The following CCL28 variants were observed in gnomAD, a reference collection of about 807,000 sequenced individuals.
The protein encoded by CCL28 is C-C motif chemokine 28.
Under a neutral mutation model 7.1 loss-of-function variants are expected in CCL28, and 4 were observed. The observed-to-expected ratio is 0.56, with a 90% CI of 0.28 to 1.29. The LOEUF (loss-of-function observed/expected upper bound fraction) is 1.29, where lower values mean the gene tolerates loss of function less well. Among genes scored for constraint, CCL28 ranks in the 50% most tolerant of loss-of-function variants. The pLI is 0.11. For missense variants in CCL28, 151 were observed against 163.4 expected (o/e 0.92, Z 0.41); for synonymous variants, 55 against 57.8 (o/e 0.95, Z 0.22).
chr5:43,393,330 C>T (rs894110481), intron 1 of CCL28, among the ~76,000 whole-genome samples: 1 of 151,664 alleles, frequency 6.6e-6, no homozygotes, highest in Admixed American at 6.6e-5. Flanking sequence ...TACCACCACA[C>T]CCATCCCTTT....
chr5:43,375,775 T>C (rs1739877962), downstream of CCL28, among the ~76,000 whole-genome samples: 1 of 151,962 alleles, frequency 6.6e-6, no homozygotes, highest in Non-Finnish European at 1.5e-5. Context: ...GCGGACCCCG[T>C]CTCTATCAAA....
At chr5:43,368,524 C>T in the CCL28 span, among the ~76,000 whole-genome samples, 1 of 152,202 alleles carries the variant, frequency 6.6e-6, no homozygotes. Context: ...AACAACATTT[C>T]CTTTCCCATT....
chr5:43,368,459 A>G, the CCL28 span, among the ~76,000 whole-genome samples: 1 of 152,180 alleles, frequency 6.6e-6, no homozygotes, highest in African/African-American at 2.4e-5. Flanking sequence ...CTGCTGGCCA[A>G]TGGAATATGA....
intron 2 of CCL28, among the ~76,000 whole-genome samples, chr5:43,384,299 C>T (rs1444264781): frequency 6.6e-6 from 1 of 152,202 alleles, no homozygotes; most frequent in East Asian, 1.9e-4. Context: ...CAGGCAACAA[C>T]TAGCATGTGG....
At chr5:43,368,693 G>A in the CCL28 span, among the ~76,000 whole-genome samples, 11 of 152,172 alleles carry the variant, frequency 7.2e-5, no homozygotes, top group East Asian at 2.1e-3. Context: ...TATGACTGAG[G>A]TCTTCATATA....
chr5:43,411,120 G>A (rs965433407), intron 1 of CCL28, among the ~76,000 whole-genome samples: 3 of 152,188 alleles, frequency 2.0e-5, no homozygotes, highest in Admixed American at 2.0e-4. Context: ...TTTCTCAAGA[G>A]AAGCTTTAAA....
chr5:43,410,819 G>T (rs1741508277), intron 1 of CCL28, among the ~76,000 whole-genome samples: 1 of 152,198 alleles, frequency 6.6e-6, no homozygotes, highest in Non-Finnish European at 1.5e-5. Context: ...TAGTGAAAAT[G>T]AGTCCCCAAA....
chr5:43,394,407 C>T (rs1740713369), intron 1 of CCL28, among the ~76,000 whole-genome samples: 1 of 152,150 alleles, frequency 6.6e-6, no homozygotes, highest in South Asian at 2.1e-4. Context: ...CAACTAAGAT[C>T]TGAAATATAT....
chr5:43,388,371 TC>T lies in CCL28; in HGVS notation c.169del (p.Asp57IlefsTer29). On this transcript the variant is annotated frameshift_variant, in exon 2 of 3. Coordinates refer to ENST00000361115, the MANE Select transcript of CCL28 (RefSeq NM_148672.3). LOFTEE classifies it low-confidence loss of function (END_TRUNC). ...NMCRIQRADG[D>X]CDLAAVILHV... ...TCACATGACAGCAGCCAAGTCACAATCCCCATCAGCTCTCTGGATGCGACAC... is the reference window on the plus strand; with the variant it reads ...TCACATGACAGCAGCCAAGTCACAATCCCATCAGCTCTCTGGATGCGACAC... 6.2e-7 allele frequency: 1 copy of T among 1,614,018 alleles called. No homozygotes were observed. The highest frequency in any genetic ancestry group is 8.5e-7 in the Non-Finnish European group (1 of 1,179,996).
At chr5:43,373,207 G>C (rs1475727978), downstream of CCL28, among the ~76,000 whole-genome samples, 5 of 152,286 alleles carry the variant, frequency 3.3e-5, no homozygotes, top group East Asian at 7.7e-4. Context: ...TGACTAGATA[G>C]TGAAGACAGT....
chr5:43,381,004 A>AT lies in CCL28; in HGVS notation c.*855dup, dbSNP rs1740090596. On this transcript the variant is annotated 3_prime_UTR_variant, in exon 3 of 3. Transcript: ENST00000361115. Reference sequence around the variant, plus strand: ...TGGAATATATTAGATGAAATTATTAATTTTTTAGGTATAAAACTGATAAGG... The same window carrying AT: ...TGGAATATATTAGATGAAATTATTAATTTTTTTAGGTATAAAACTGATAAGG... The AT allele has an allele frequency of 6.6e-6, 1 of 152,242 alleles. No individual in the cohort carries two copies. Among genetic ancestry groups the AT allele is most frequent in the Admixed American group, 6.5e-5 (1 of 15,288 alleles). The allele number at this position is 152,242 out of a possible 1,614,324, so 9.4% of individuals were successfully genotyped here.
intron 1 of CCL28, among the ~76,000 whole-genome samples, chr5:43,405,618 C>T (rs978022884): frequency 3.9e-5 from 6 of 152,082 alleles, no homozygotes; most frequent in African/African-American, 1.2e-4. Context: ...CATTCAAAAG[C>T]CTACAGGAGT....
intron 1 of CCL28, among the ~76,000 whole-genome samples, chr5:43,391,910 T>C (rs1740587816): frequency 1.3e-5 from 2 of 152,196 alleles, no homozygotes; most frequent in Admixed American, 6.5e-5. Context: ...GGAATTTGAA[T>C]ACATACATTC....
chr5:43,376,385 C>T (rs1034086751), downstream of CCL28, among the ~76,000 whole-genome samples: 1 of 152,146 alleles, frequency 6.6e-6, no homozygotes, highest in Non-Finnish European at 1.5e-5. Context: ...ACTACTAACC[C>T]ACCTAGAGTA....
intron 2 of CCL28, among the ~76,000 whole-genome samples, chr5:43,385,119 G>A (rs1740286651): frequency 6.6e-6 from 1 of 152,094 alleles, no homozygotes; most frequent in South Asian, 2.1e-4. Flanking sequence ...GGATGGTCTC[G>A]ATCTTCTGAC....
chr5:43,389,116 C>T (rs1183246813), intron 1 of CCL28, among the ~76,000 whole-genome samples: 1 of 152,014 alleles, frequency 6.6e-6, no homozygotes, highest in African/African-American at 2.4e-5. Context: ...GGCTGGGGGG[C>T]TAAGGGATGG....
At chr5:43,393,441 A>G (rs1290754422) in intron 1 of CCL28, among the ~76,000 whole-genome samples, 2 of 150,472 alleles carry the variant, frequency 1.3e-5, no homozygotes, top group African/African-American at 4.9e-5. Flanking sequence ...TGCAACCTCC[A>G]CCTCCTGGGT....
intron 1 of CCL28, among the ~76,000 whole-genome samples, chr5:43,402,399 T>C (rs980423203): frequency 6.6e-6 from 1 of 152,244 alleles, no homozygotes; most frequent in Non-Finnish European, 1.5e-5. Flanking sequence ...CTGGGAAGTT[T>C]AAATGTTTTA....
chr5:43,381,317 A>G lies in CCL28; in HGVS notation c.*543T>C, dbSNP rs1324215411. ...GTAAGTTTGGAAAACTATAATTAAA[A>G]AGTTGGGAGAAGTTATATCTATATG... is the stretch of plus-strand genomic sequence containing the variant. On this transcript the variant is annotated 3_prime_UTR_variant, in exon 3 of 3. Transcript: ENST00000361115. 6.6e-6 allele frequency: 1 copy of G among 152,186 alleles called. No homozygotes were observed. The highest frequency in any genetic ancestry group is 1.5e-5 in the Non-Finnish European group (1 of 68,034). The allele number at this position is 152,186 out of a possible 1,614,324, so 9.4% of individuals were successfully genotyped here.
Sources: gnomAD v4.1 joint callset for allele counts (sites outside exome capture counted in the v4.1 genomes callset) on GRCh38, gnomAD v4.1.1 for gene constraint, MANE v1.5 for transcripts, NCBI Gene and HGNC (gene_info 2026-07-23, HGNC 2026-07-21) for gene names.